The following PTPN11 variants were observed in gnomAD, a reference collection of about 807,000 sequenced individuals.
PTPN11 encodes the protein tyrosine-protein phosphatase non-receptor type 11.
Under a neutral mutation model 78.8 loss-of-function variants are expected in PTPN11, and 6 were observed. The observed-to-expected ratio is 0.08, with a 90% CI of 0.04 to 0.15. PTPN11 has a LOEUF of 0.15. Among genes scored for constraint, PTPN11 ranks in the 10% least tolerant of loss-of-function variants. PTPN11 has a pLI of 1.00. For synonymous variants in PTPN11, 221 were observed against 263.5 expected (o/e 0.84, Z 1.56); for missense variants, 386 against 744.8 (o/e 0.52, Z 5.61).
At position 112,486,501 on chromosome 12, in the gene PTPN11, A is replaced by G; in HGVS notation, c.1251A>G (p.Gln417=). 6.2e-7 allele frequency: 1 copy of G among 1,614,158 alleles called. No homozygotes were observed. Among genetic ancestry groups the G allele is most frequent in the Non-Finnish European group, 8.5e-7 (1 of 1,179,992 alleles). The part of the protein sequence containing the change: ...GQGNTERTVW[Q]YHFRTWPDHG... ...GGAATACGGAGAGAACGGTCTGGCA[A>G]TACCACTTTCGGACCTGGCCGGACC... The change falls in exon 11 of 16, where the codon CAA becomes CAG. Residue 417 remains glutamine, a synonymous_variant. Transcript: ENST00000351677.
Position 112,482,613 on chromosome 12 carries a change from A to G in PTPN11, c.1224+408A>G, listed in dbSNP as rs1030962073. 6.6e-6 allele frequency among the ~76,000 whole-genome samples: 1 copy of G among 152,178 alleles called. No homozygotes were observed. The highest frequency in any genetic ancestry group is 2.4e-5 in the African/African-American group (1 of 41,446). On this transcript the variant is annotated intron_variant, in intron 10 of 15. Coordinates refer to ENST00000351677, the MANE Select transcript of PTPN11 (RefSeq NM_002834.5). This position sits in a 1 kb window ranked among gnomAD's most constrained non-coding sequence, Gnocchi z 4.4. ...TGTTAGGAGGCCTCCGCAGGGGCCT[A>G]TGTTGATGGCCTCCTCTCCAAGTAT... is the stretch of plus-strand genomic sequence containing the variant.
chr12:112,466,189 T>C (rs997586253), intron 6 of PTPN11, among the ~76,000 whole-genome samples: 3 of 152,216 alleles, frequency 2.0e-5, no homozygotes, highest in African/African-American at 7.2e-5. Flanking sequence ...AAGGGTGTTT[T>C]GATAGGCCTT....
Position 112,446,081 on chromosome 12 carries a change from C to A in PTPN11, c.15-195C>A, listed in dbSNP as rs530740577. The stretch of plus-strand genomic sequence containing the variant: ...ATATCCCCAGACACCCCTACTGAAT[C>A]CCAGGTCTCTACCAAGGGAAAGGCA... On this transcript the variant is annotated intron_variant, in intron 1 of 15. Transcript: ENST00000351677. 2.8e-3 allele frequency among the ~76,000 whole-genome samples: 420 copies of A among 151,954 alleles called. 5 individuals carry two copies. Among genetic ancestry groups the A allele is most frequent in the African/African-American group, 9.4e-3 (390 of 41,502 alleles).
chr12:112,452,964 G>A (rs1020017061), intron 3 of PTPN11, among the ~76,000 whole-genome samples: 3 of 152,128 alleles, frequency 2.0e-5, no homozygotes, highest in Admixed American at 6.5e-5. Context: ...GTCTCTAAAG[G>A]ACTGTGGACT....
rs755871216 is a variant in PTPN11 at position 112,477,992 on chromosome 12, A to G, written c.1069A>G (p.Thr357Ala). 2 of 1,614,020 alleles carry G rather than the reference A, an allele frequency of 1.2e-6. No homozygotes were observed. Among genetic ancestry groups the G allele is most frequent in the Admixed American group, 1.7e-5 (1 of 60,000 alleles). The change falls in exon 9 of 16, where the codon ACG (threonine) becomes GCG (alanine). Residue 357 changes from threonine (T) to alanine (A), a missense_variant. By Grantham distance (58) the Thr-to-Ala change is moderately conservative. This residue lies in a region of PTPN11 where 279 missense variants were observed against 503.3 expected (regional missense o/e 0.55). Transcript: ENST00000351677. Reference sequence around the variant, plus strand: ...AAACTCCCGAGTGATTGTCATGACAACGAAAGAAGTGGAGAGAGGAAAGGT... The same window carrying G: ...AAACTCCCGAGTGATTGTCATGACAGCGAAAGAAGTGGAGAGAGGAAAGGT... ...QENSRVIVMT[T>A]KEVERGKSKC...
chr12:112,499,443 G>A (rs2038848434), intron 13 of PTPN11, among the ~76,000 whole-genome samples: 1 of 151,990 alleles, frequency 6.6e-6, no homozygotes, highest in Non-Finnish European at 1.5e-5. Flanking sequence ...AGGTTCAAGT[G>A]TTTCTGCTGC....
Position 112,442,852 on chromosome 12 carries a change from ATATATATATATATATATATATATATAAAT to A in PTPN11, c.15-3415_15-3387del, listed in dbSNP as rs1390551808. Among the ~76,000 whole-genome samples the A allele has an allele frequency of 6.5e-5, 6 of 92,294 alleles. No individual in the cohort carries two copies. The Admixed American group carries it at 6.8e-4, about 11-fold the overall frequency. The allele number at this position is 92,294 out of a possible 152,430, so 60.5% of individuals were successfully genotyped here. A position where few individuals can be genotyped will look rare whatever the true frequency, so the allele number is the denominator to read the frequency against. Reference sequence around the variant, plus strand: ...TTTTTATATATATATATATATATATATATATATATATATATATATATATATAAATTATATATACACTACACATATATGTA... The same window carrying A: ...TTTTTATATATATATATATATATATATATATATACACTACACATATATGTA... On this transcript the variant is annotated intron_variant, in intron 1 of 15. Coordinates refer to ENST00000351677, the MANE Select transcript of PTPN11 (RefSeq NM_002834.5).
chr12:112,498,980 G>C (rs2038842926), intron 13 of PTPN11, among the ~76,000 whole-genome samples: 1 of 152,098 alleles, frequency 6.6e-6, no homozygotes, highest in Non-Finnish European at 1.5e-5. Flanking sequence ...AGAAAATTCT[G>C]TTGTAATCAC....
intron 9 of PTPN11, among the ~76,000 whole-genome samples, 165 bp from the exon 10 acceptor site, chr12:112,481,908 CT>C (rs2038601277): frequency 6.6e-6 from 1 of 152,210 alleles, no homozygotes; most frequent in South Asian, 2.1e-4. Context: ...GCCTGCTTTT[CT>C]TATTTGAACT....
At chr12:112,475,634 A>C (rs2038490391) in intron 7 of PTPN11, among the ~76,000 whole-genome samples, 1 of 152,162 alleles carries the variant, frequency 6.6e-6, no homozygotes, top group Non-Finnish European at 1.5e-5. Flanking sequence ...AGCATAGAAA[A>C]ACTGTGTGAT....
intron 7 of PTPN11, among the ~76,000 whole-genome samples, 195 bp from the exon 8 acceptor site, chr12:112,477,456 T>C (rs1027240218): frequency 1.3e-5 from 2 of 152,218 alleles, no homozygotes; most frequent in African/African-American, 4.8e-5. Context: ...AACTAGGAAA[T>C]TGTGAAGATG....
In PTPN11 at chr12:112,490,802, C is replaced by T. The variant is rs142051624; in HGVS notation, c.1599+1627C>T. Among the ~76,000 whole-genome samples, 5 of 152,226 alleles carry T rather than the reference C, an allele frequency of 3.3e-5. No individual in the cohort carries two copies. In the East Asian group the frequency reaches 7.7e-4, roughly 23 times the overall value. On this transcript the variant is annotated intron_variant, in intron 13 of 15. Transcript: ENST00000351677. ...AATTATTTATTTTAAAAAATGAAAT[C>T]CTGCAATATATAGTTTTCTGCGTTG...
chr12:112,453,366 C>T lies in PTPN11; in HGVS notation c.504C>T (p.Thr168=), dbSNP rs2135867454. The change falls in exon 4 of 16, where the codon ACC becomes ACT. Residue 168 remains threonine (T), a synonymous_variant. Transcript: ENST00000351677. ...GESNDGKSKV[T]HVMIRCQELK... Reference sequence around the variant, plus strand: ...GCAATGACGGCAAGTCTAAAGTGACCCATGTTATGATTCGCTGTCAGGTAA... The same window carrying T: ...GCAATGACGGCAAGTCTAAAGTGACTCATGTTATGATTCGCTGTCAGGTAA... 1 of 1,613,986 alleles carries T rather than the reference C, an allele frequency of 6.2e-7. No homozygotes were observed. Among genetic ancestry groups the T allele is most frequent in the Non-Finnish European group, 8.5e-7 (1 of 1,180,004 alleles).
intron 13 of PTPN11, among the ~76,000 whole-genome samples, chr12:112,498,886 G>C (rs1257171537): frequency 5.4e-4 from 82 of 152,156 alleles, no homozygotes; most frequent in Admixed American, 5.4e-3. Flanking sequence ...AAGCTAAAAA[G>C]TTTCAACATT....
intron 11 of PTPN11, 158 bp downstream of exon 11, chr12:112,486,787 A>G (rs1009058248): frequency 6.7e-7 from 1 of 1,494,942 alleles, no homozygotes; most frequent in South Asian, 1.3e-5. Flanking sequence ...TTTTGATCCC[A>G]AGGCATATTT....
chr12:112,438,024 C>G (rs2135844231), intron 1 of PTPN11, among the ~76,000 whole-genome samples: 1 of 152,228 alleles, frequency 6.6e-6, no homozygotes, highest in East Asian at 1.9e-4. Context: ...AATCATGCCC[C>G]TTTCCATAAA....
chr12:112,441,406 C>A (rs1282782018), intron 1 of PTPN11, among the ~76,000 whole-genome samples: 1 of 152,056 alleles, frequency 6.6e-6, no homozygotes, highest in Admixed American at 6.6e-5. Context: ...GGACTACAGG[C>A]ATATGCCACC....
chr12:112,424,867 T>TTGTGTGTGTGTGTGTG (rs567490227), intron 1 of PTPN11, among the ~76,000 whole-genome samples: 1 of 135,082 alleles, frequency 7.4e-6, no homozygotes, highest in Admixed American at 8.1e-5. Context: ...GTCAGGCTAA[T>TTGTGTGTGTGTGTGTG]TGTGTGTGTG....
At chr12:112,493,358 C>G (rs1376152535) in intron 13 of PTPN11, among the ~76,000 whole-genome samples, 1 of 151,432 alleles carries the variant, frequency 6.6e-6, no homozygotes, top group Admixed American at 6.6e-5. Flanking sequence ...TGTGCCCGGC[C>G]ACTCTTAGTA....
Sources: gnomAD v4.1 joint callset for allele counts (sites outside exome capture counted in the v4.1 genomes callset) on GRCh38, gnomAD v4.1.1 for gene constraint, gnomAD v4.1.1 regional missense constraint, Gnocchi (gnomAD v3.1) non-coding constraint, MANE v1.5 for transcripts, NCBI Gene and HGNC (gene_info 2026-07-23, HGNC 2026-07-21) for gene names.